Variants in CEP85L observed in about 807,000 individuals in gnomAD.
CEP85L encodes the protein centrosomal protein 85L.
Under a neutral mutation model 100.3 loss-of-function variants are expected in CEP85L, and 60 were observed. That is an observed-to-expected ratio of 0.60 (90% CI 0.49 to 0.74). The LOEUF (loss-of-function observed/expected upper bound fraction) is 0.74, where lower values mean the gene tolerates loss of function less well. CEP85L is among the 30% of genes least tolerant of loss of function. The pLI is 0.00. For missense variants in CEP85L, 973 were observed against 936.2 expected (o/e 1.04, Z -0.51); for synonymous variants, 319 against 322.7 (o/e 0.99, Z 0.12).
At chr6:118,603,837 G>A (rs72954899) in intron 2 of CEP85L, among the ~76,000 whole-genome samples, 6,168 of 152,172 alleles carry the variant, frequency 0.041, 189 homozygotes, top group Non-Finnish European at 0.061. Context: ...ATTATAAATC[G>A]CCTTCTAAAG....
intron 4 of CEP85L, among the ~76,000 whole-genome samples, chr6:118,517,186 A>T (rs1776334739): frequency 6.6e-6 from 1 of 152,194 alleles, no homozygotes; most frequent in Non-Finnish European, 1.5e-5. Context: ...TGATGCCTCC[A>T]GCTTTGTTCT....
At chr6:118,541,270 G>A (rs1195292246) in intron 3 of CEP85L, among the ~76,000 whole-genome samples, 1 of 152,226 alleles carries the variant, frequency 6.6e-6, no homozygotes, top group Non-Finnish European at 1.5e-5. Flanking sequence ...AGCAGATGAT[G>A]AGATGTTCAT....
chr6:118,465,351 T>C lies in CEP85L; in HGVS notation c.*54A>G, dbSNP rs907904123. 1 of 1,553,538 alleles carries C rather than the reference T, an allele frequency of 6.4e-7. No individual in the cohort carries two copies. Among genetic ancestry groups the C allele is most frequent in the Non-Finnish European group, 8.8e-7 (1 of 1,140,392 alleles). On this transcript the variant is annotated 3_prime_UTR_variant, in exon 13 of 13. Coordinates refer to ENST00000368491, the MANE Select transcript of CEP85L (RefSeq NM_001042475.3). ...CTTGCAACCTTCCATTATGGCTCCA[T>C]AACACAGCAGCATTTAAACAACAGG... is the stretch of plus-strand genomic sequence containing the variant.
At chr6:118,493,733 A>C (rs2114621229) in intron 5 of CEP85L, among the ~76,000 whole-genome samples, 1 of 152,338 alleles carries the variant, frequency 6.6e-6, no homozygotes, top group East Asian at 1.9e-4. Flanking sequence ...GCAGAAGTAA[A>C]TATAAAGAAG....
intron 1 of CEP85L, among the ~76,000 whole-genome samples, chr6:118,678,897 A>C (rs1217756280): frequency 6.6e-6 from 1 of 150,874 alleles, no homozygotes; most frequent in Non-Finnish European, 1.5e-5. Context: ...GTGCTACTGC[A>C]CTCCAGCCTG....
intron 3 of CEP85L, among the ~76,000 whole-genome samples, chr6:118,547,910 T>C (rs1778300980): frequency 6.6e-6 from 1 of 152,092 alleles, no homozygotes; most frequent in African/African-American, 2.4e-5. Flanking sequence ...GCAGCAAGAA[T>C]TCAATGAAAG....
intron 2 of CEP85L, among the ~76,000 whole-genome samples, chr6:118,572,474 A>G (rs1190557269): frequency 6.6e-6 from 1 of 151,994 alleles, no homozygotes; most frequent in Non-Finnish European, 1.5e-5. Flanking sequence ...TGGGAGGCTG[A>G]GGCAGGAGAT....
At chr6:118,509,722 A>C (rs1775860746) in intron 5 of CEP85L, among the ~76,000 whole-genome samples, 1 of 152,112 alleles carries the variant, frequency 6.6e-6, no homozygotes, top group Admixed American at 6.6e-5. Context: ...CACAAATAGA[A>C]GTATATACCA....
intron 1 of CEP85L, among the ~76,000 whole-genome samples, chr6:118,678,891 T>G (rs1418369361): frequency 6.6e-6 from 1 of 151,990 alleles, no homozygotes; most frequent in Non-Finnish European, 1.5e-5. Context: ...CAGATCGTGC[T>G]ACTGCACTCC....
chr6:118,625,151 A>C (rs1356447043), intron 2 of CEP85L, among the ~76,000 whole-genome samples: 1 of 152,226 alleles, frequency 6.6e-6, no homozygotes, highest in African/African-American at 2.4e-5. Flanking sequence ...TATAAATTTT[A>C]GCATGACTCC....
chr6:118,692,010 C>T (rs983081847), intron 1 of CEP85L, among the ~76,000 whole-genome samples: 11 of 152,006 alleles, frequency 7.2e-5, no homozygotes, highest in Non-Finnish European at 1.6e-4. Flanking sequence ...TGAAGCTTGT[C>T]GTTATTACCA....
intron 1 of CEP85L, among the ~76,000 whole-genome samples, chr6:118,703,460 C>T (rs756015830): frequency 2.6e-5 from 4 of 152,200 alleles, no homozygotes; most frequent in Non-Finnish European, 5.9e-5. Flanking sequence ...CCCACCCAGC[C>T]TCCCAAAGTG....
chr6:118,496,705 A>G (rs2114637792), intron 5 of CEP85L, among the ~76,000 whole-genome samples: 2 of 152,328 alleles, frequency 1.3e-5, no homozygotes, highest in East Asian at 3.9e-4. Context: ...TTGAGTTACA[A>G]GAGCCACTCC....
Position 118,573,515 on chromosome 6 carries a change from C to T in CEP85L, c.233-7199G>A, listed in dbSNP as rs533428471. ...TAAACTTGTGATTAAATCTAAAAAA[C>T]AGTAACAATGCATACAACAATAAAA... is the stretch of plus-strand genomic sequence containing the variant. On this transcript the variant is annotated intron_variant, in intron 2 of 12. Coordinates refer to ENST00000368491, the MANE Select transcript of CEP85L (RefSeq NM_001042475.3). 2.0e-5 allele frequency among the ~76,000 whole-genome samples: 3 copies of T among 151,966 alleles called. No individual in the cohort carries two copies. The East Asian group carries it at 5.8e-4, about 29-fold the overall frequency.
chr6:118,700,549 A>T (rs1777373229), intron 1 of CEP85L, among the ~76,000 whole-genome samples: 2 of 152,230 alleles, frequency 1.3e-5, no homozygotes, highest in Non-Finnish European at 2.9e-5. Flanking sequence ...TCTCCATATT[A>T]TGCCAGCATA....
chr6:118,652,250 T>C (rs1348895671), upstream of CEP85L, among the ~76,000 whole-genome samples: 1 of 152,112 alleles, frequency 6.6e-6, no homozygotes, highest in East Asian at 1.9e-4. Flanking sequence ...GGCACCAAAG[T>C]CTGTAAAGGG....
intron 5 of CEP85L, chr6:118,501,771 A>G (rs1582923544): frequency 2.1e-6 from 2 of 944,026 alleles, no homozygotes; most frequent in East Asian, 2.5e-5. Flanking sequence ...AAGACAGAAC[A>G]GACATCTCAC....
At chr6:118,488,047 C>T (rs570816491) in intron 6 of CEP85L, among the ~76,000 whole-genome samples, 31 of 152,054 alleles carry the variant, frequency 2.0e-4, no homozygotes, top group African/African-American at 6.8e-4. Context: ...ATATGAAAAG[C>T]CCCCCTCTCT....
intron 1 of CEP85L, among the ~76,000 whole-genome samples, chr6:118,681,020 G>C (rs1269366248): frequency 6.6e-6 from 1 of 152,228 alleles, no homozygotes; most frequent in African/African-American, 2.4e-5. Context: ...GAACTATTGT[G>C]CGTGTGACAT....
Sources: allele counts gnomAD v4.1 joint callset (sites outside exome capture counted in the v4.1 genomes callset), GRCh38; gene constraint gnomAD v4.1.1; transcripts MANE v1.5; gene names NCBI Gene and HGNC (gene_info 2026-07-23, HGNC 2026-07-21).